CIMAP3: variants seen among roughly 807,000 people sequenced by gnomAD.
The protein encoded by CIMAP3 is ciliary microtubule associated protein 3, also known as ciliary microtubule-associated protein 3.
the CIMAP3 span, among the ~76,000 whole-genome samples, chr1:111,343,923 T>C: frequency 6.7e-6 from 1 of 149,886 alleles, no homozygotes; most frequent in African/African-American, 2.5e-5. Flanking sequence ...ATTTGCTTTA[T>C]GTTATTTCCT....
chr1:111,338,461 A>G, the CIMAP3 span, among the ~76,000 whole-genome samples: 1 of 127,974 alleles, frequency 7.8e-6, no homozygotes, highest in Non-Finnish European at 1.7e-5. Flanking sequence ...CAAGAATAAT[A>G]AAGAAAAAAA....
At chr1:111,342,094 A>G in the CIMAP3 span, among the ~76,000 whole-genome samples, 1 of 152,176 alleles carries the variant, frequency 6.6e-6, no homozygotes, top group Admixed American at 6.5e-5. Context: ...TTAAATAGAT[A>G]TGACTCAAAT....
the CIMAP3 span, among the ~76,000 whole-genome samples, chr1:111,329,541 AT>A: frequency 1.4e-4 from 14 of 98,734 alleles, no homozygotes; most frequent in African/African-American, 5.4e-4. Flanking sequence ...ATATATATAT[AT>A]ATATATATAT....
the CIMAP3 span, among the ~76,000 whole-genome samples, chr1:111,335,907 T>TCCCTGAC: frequency 7.2e-5 from 11 of 152,162 alleles, no homozygotes; most frequent in Non-Finnish European, 1.6e-4. Flanking sequence ...CTCAAGTGGG[T>TCCCTGAC]CCCTGACCCC....
the CIMAP3 span, chr1:111,351,156 A>T: frequency 1.2e-6 from 1 of 847,656 alleles, no homozygotes; most frequent in African/African-American, 1.9e-5. Flanking sequence ...ATTCACCTCT[A>T]TAATGTACAG....
chr1:111,339,674 A>T, the CIMAP3 span, among the ~76,000 whole-genome samples: 1 of 151,836 alleles, frequency 6.6e-6, no homozygotes, highest in Non-Finnish European at 1.5e-5. Flanking sequence ...CTTCAAGGAG[A>T]ACTACAAACC....
At chr1:111,337,122 A>C in the CIMAP3 span, among the ~76,000 whole-genome samples, 1 of 152,112 alleles carries the variant, frequency 6.6e-6, no homozygotes, top group Non-Finnish European at 1.5e-5. Flanking sequence ...AGGAGAAATA[A>C]AATCCTTTAC....
chr1:111,346,731 C>G, the CIMAP3 span: 2 of 1,587,298 alleles, frequency 1.3e-6, no homozygotes, highest in African/African-American at 2.7e-5. Flanking sequence ...GGTGGGGAAG[C>G]TGGGAAAGAC....
the CIMAP3 span, chr1:111,347,170 A>G: frequency 8.5e-7 from 1 of 1,173,444 alleles, no homozygotes; most frequent in Non-Finnish European, 1.2e-6. Flanking sequence ...GTCCCAGCAT[A>G]AGAAAGCGCT....
chr1:111,347,616 TTC>T, the CIMAP3 span: 9 of 1,080,286 alleles, frequency 8.3e-6, no homozygotes, highest in Non-Finnish European at 1.2e-5. Flanking sequence ...GCGTTGTTTT[TTC>T]TTTCTTTTTT....
At chr1:111,347,898 T>G in the CIMAP3 span, 1 of 672,856 alleles carries the variant, frequency 1.5e-6, no homozygotes, top group African/African-American at 1.8e-5. Flanking sequence ...AAGTAGGCAT[T>G]TAAGCAAAAG....
the CIMAP3 span, among the ~76,000 whole-genome samples, chr1:111,341,658 T>C: frequency 6.6e-6 from 1 of 152,220 alleles, no homozygotes; most frequent in East Asian, 1.9e-4. Flanking sequence ...TTCTCATATA[T>C]CAGTAGTTAA....
At chr1:111,341,028 T>TA in the CIMAP3 span, among the ~76,000 whole-genome samples, 2,168 of 150,836 alleles carry the variant, frequency 0.014, 32 homozygotes, top group Middle Eastern at 0.062. Context: ...TATGCAGCCA[T>TA]AAAAAATGAT....
At chr1:111,346,897 C>T in the CIMAP3 span, 1 of 1,613,018 alleles carries the variant, frequency 6.2e-7, no homozygotes, top group Non-Finnish European at 8.5e-7. Context: ...GGAGCCTCTC[C>T]TCTTTATTTT....
the CIMAP3 span, among the ~76,000 whole-genome samples, chr1:111,330,769 T>C: frequency 2.6e-5 from 4 of 152,148 alleles, no homozygotes; most frequent in African/African-American, 9.7e-5. Flanking sequence ...CTTGCTTGTC[T>C]CCTGGGGGCT....
the CIMAP3 span, among the ~76,000 whole-genome samples, chr1:111,327,453 C>G: frequency 6.6e-6 from 1 of 151,926 alleles, no homozygotes; most frequent in Non-Finnish European, 1.5e-5. Flanking sequence ...CTTTGTACTT[C>G]TGGTAGAATT....
the CIMAP3 span, chr1:111,324,668 C>T: frequency 1.0e-6 from 1 of 962,562 alleles, no homozygotes. Flanking sequence ...GTCTTAGTTA[C>T]ACCCTTCATT....
the CIMAP3 span, among the ~76,000 whole-genome samples, chr1:111,341,165 T>C: frequency 1.4e-5 from 2 of 139,880 alleles, no homozygotes; most frequent in Non-Finnish European, 3.0e-5. Flanking sequence ...AATGAGAACA[T>C]ATGGACACAG....
chr1:111,348,497 A>G, the CIMAP3 span: 1 of 1,585,774 alleles, frequency 6.3e-7, no homozygotes. Context: ...TAACATAATG[A>G]TCTTTTTCTT....
Sources: allele counts gnomAD v4.1 joint callset (sites outside exome capture counted in the v4.1 genomes callset), GRCh38; gene constraint gnomAD v4.1.1; transcripts MANE v1.5; gene names NCBI Gene and HGNC (gene_info 2026-07-23, HGNC 2026-07-21).